The following ERC2 variants were observed in gnomAD, a reference collection of about 807,000 sequenced individuals.
ERC2 encodes ERC protein 2.
ERC2 carries 42 observed loss-of-function variants against 114.8 expected under a neutral mutation model. That is an observed-to-expected ratio of 0.37 (90% confidence interval 0.29 to 0.47). The LOEUF is 0.47. Among genes scored for constraint, ERC2 ranks in the 20% least tolerant of loss-of-function variants. ERC2 has a pLI of 0.99. For synonymous variants in ERC2, 454 were observed against 425.5 expected (o/e 1.07, Z -0.82); for missense variants, 939 against 1,150.7 (o/e 0.82, Z 2.66).
At chr3:55,929,117 A>T (rs2065922809) in intron 13 of ERC2, among the ~76,000 whole-genome samples, 1 of 152,148 alleles carries the variant, frequency 6.6e-6, no homozygotes, top group Non-Finnish European at 1.5e-5. Flanking sequence ...AGAGGCTCCC[A>T]GTTTGAACCT....
intron 1 of ERC2, among the ~76,000 whole-genome samples, chr3:56,444,809 C>T (rs1387294805): frequency 6.6e-6 from 1 of 152,246 alleles, no homozygotes; most frequent in Non-Finnish European, 1.5e-5. Flanking sequence ...CTGAGATCAT[C>T]AGTATCTCCC....
intron 6 of ERC2, among the ~76,000 whole-genome samples, chr3:56,137,507 T>G (rs1224196457): frequency 1.3e-5 from 2 of 152,218 alleles, no homozygotes; most frequent in Non-Finnish European, 2.9e-5. Flanking sequence ...ATTGGCAAAC[T>G]TTCTGTAAAA....
chr3:56,169,974 T>TA (rs1265652035), intron 4 of ERC2, among the ~76,000 whole-genome samples: 5 of 152,182 alleles, frequency 3.3e-5, no homozygotes, highest in African/African-American at 1.2e-4. Flanking sequence ...TCAACTGTCA[T>TA]TCTTATTGAC....
chr3:56,434,902 C>T lies in ERC2; in HGVS notation c.106G>A (p.Gly36Arg), dbSNP rs2061950129. Residue 36 changes from glycine (G) to arginine (R), a missense_variant, in exon 2 of 18, where the codon GGA becomes AGA. By Grantham distance (125) the Gly-to-Arg change is moderately radical. Transcript: ENST00000288221. ...RLGHRRTSSG[G>R]GGGTGKTLSM... The stretch of plus-strand genomic sequence containing the variant: ...AGAGTCTTGCCTGTTCCTCCACCTC[C>T]CCCACTACTTGTTCTTCGGTGGCCC... 1 of 1,613,718 alleles carries T rather than the reference C, an allele frequency of 6.2e-7. No homozygotes were observed. The highest frequency in any genetic ancestry group is 1.3e-5 in the African/African-American group (1 of 74,856).
intron 1 of ERC2, among the ~76,000 whole-genome samples, chr3:56,448,990 G>A (rs1329194244): frequency 6.6e-6 from 1 of 151,230 alleles, no homozygotes; most frequent in Non-Finnish European, 1.5e-5. Flanking sequence ...CAGGAGAATG[G>A]CGTGAACCCA....
chr3:56,233,664 T>C (rs2050769598), intron 3 of ERC2, among the ~76,000 whole-genome samples: 1 of 151,518 alleles, frequency 6.6e-6, no homozygotes, highest in Admixed American at 6.6e-5. Flanking sequence ...TTTCTGGAGA[T>C]AACAAGTCCA....
At chr3:55,951,886 AT>A (rs770405835) in intron 12 of ERC2, among the ~76,000 whole-genome samples, 2 of 152,060 alleles carry the variant, frequency 1.3e-5, no homozygotes, top group Non-Finnish European at 2.9e-5. Context: ...AGAAACTCTT[AT>A]TTCTAGTCCT....
At chr3:55,978,773 T>G (rs774178676) in intron 12 of ERC2, among the ~76,000 whole-genome samples, 1 of 152,204 alleles carries the variant, frequency 6.6e-6, no homozygotes, top group African/African-American at 2.4e-5. Context: ...TCTTAGGAGG[T>G]AGTCTATTTA....
intron 17 of ERC2, among the ~76,000 whole-genome samples, chr3:55,538,132 T>C (rs1057317929): frequency 6.6e-6 from 1 of 152,204 alleles, no homozygotes; most frequent in Non-Finnish European, 1.5e-5. Context: ...TCTTCCTGTT[T>C]GGGGTTTTTG....
intron 17 of ERC2, among the ~76,000 whole-genome samples, chr3:55,521,100 C>G (rs2052898515): frequency 6.6e-6 from 1 of 152,238 alleles, no homozygotes; most frequent in Admixed American, 6.5e-5. Context: ...TGAAGGCGCC[C>G]TTCCCGCCTC....
intron 4 of ERC2, among the ~76,000 whole-genome samples, chr3:56,154,598 C>T (rs1168968742): frequency 6.6e-6 from 1 of 152,052 alleles, no homozygotes; most frequent in African/African-American, 2.4e-5. Flanking sequence ...AAGTTATGAT[C>T]TCCATATATT....
At chr3:55,825,805 A>C (rs1355007158) in intron 14 of ERC2, among the ~76,000 whole-genome samples, 1 of 152,174 alleles carries the variant, frequency 6.6e-6, no homozygotes. Flanking sequence ...TGCTAGTATT[A>C]GTATCATTAT....
chr3:56,222,560 C>G (rs1194217082), intron 3 of ERC2, among the ~76,000 whole-genome samples: 1 of 152,104 alleles, frequency 6.6e-6, no homozygotes, highest in Non-Finnish European at 1.5e-5. Flanking sequence ...TACCACTGCC[C>G]AAAATTTTCT....
intron 6 of ERC2, among the ~76,000 whole-genome samples, chr3:56,113,862 C>T (rs1211946965): frequency 6.6e-6 from 1 of 152,190 alleles, no homozygotes; most frequent in African/African-American, 2.4e-5. Context: ...TTGCTAGAAT[C>T]GCTCACATAG....
In ERC2 at chr3:55,829,940, T is replaced by A. The variant is rs563856776; in HGVS notation, c.2564+58449A>T. ...AACTTCTGAAATTTGGTAATAGACA[T>A]AAATATACAACTCAAAAAGTAGAGC... On this transcript the variant is annotated intron_variant, in intron 14 of 17. Transcript: ENST00000288221. Among the ~76,000 whole-genome samples, 124 of 152,078 alleles carry A rather than the reference T, an allele frequency of 8.2e-4. 2 individuals are homozygous for A. The highest frequency in any genetic ancestry group is 2.8e-3 in the African/African-American group (116 of 41,486).
chr3:55,838,005 C>T (rs530786396), intron 14 of ERC2, among the ~76,000 whole-genome samples: 1 of 151,386 alleles, frequency 6.6e-6, no homozygotes, highest in African/African-American at 2.4e-5. Context: ...AAAAGATAAT[C>T]ATTACATAAT....
chr3:55,809,933 T>G (rs1459610757), intron 14 of ERC2, among the ~76,000 whole-genome samples: 1 of 152,232 alleles, frequency 6.6e-6, no homozygotes, highest in Non-Finnish European at 1.5e-5. Context: ...TTCTTGAGTC[T>G]AGTGTCAAAG....
At chr3:55,673,804 G>GTTTTTTTTTTTTTTTTT (rs10575865) in intron 17 of ERC2, among the ~76,000 whole-genome samples, 1 of 113,782 alleles carries the variant, frequency 8.8e-6, no homozygotes. Context: ...TAATTACCAA[G>GTTTTTTTTTTTTTTTTT]TTTTTTTTTT....
intron 4 of ERC2, among the ~76,000 whole-genome samples, chr3:56,155,511 T>C (rs2081659485): frequency 6.6e-6 from 1 of 152,068 alleles, no homozygotes; most frequent in Non-Finnish European, 1.5e-5. Context: ...CTCTCCAGAA[T>C]ACCAAATATG....
Sources: allele counts gnomAD v4.1 joint callset (sites outside exome capture counted in the v4.1 genomes callset), GRCh38; gene constraint gnomAD v4.1.1; transcripts MANE v1.5; gene names NCBI Gene and HGNC (gene_info 2026-07-23, HGNC 2026-07-21).